Variants in ZFAT observed in about 807,000 individuals in gnomAD.
The protein encoded by ZFAT is zinc finger and AT-hook domain containing.
ZFAT carries 64 observed loss-of-function variants against 117.7 expected under a neutral mutation model. The observed-to-expected ratio is 0.54, with a 90% CI of 0.44 to 0.67. ZFAT has a LOEUF of 0.67. Among genes scored for constraint, ZFAT ranks in the 30% least tolerant of loss-of-function variants. The pLI is 0.00. For missense variants in ZFAT, 1,433 were observed against 1,584.5 expected (o/e 0.90, Z 1.62); for synonymous variants, 679 against 615.0 (o/e 1.10, Z -1.54).
chr8:134,482,852 G>A (rs1397971100), intron 15 of ZFAT, among the ~76,000 whole-genome samples: 2 of 152,236 alleles, frequency 1.3e-5, no homozygotes, highest in Non-Finnish European at 2.9e-5. Context: ...TTGCCCTGTC[G>A]TGTTACTGAG....
the ZFAT span, among the ~76,000 whole-genome samples, chr8:134,811,217 G>A: frequency 6.6e-6 from 1 of 152,284 alleles, no homozygotes; most frequent in Non-Finnish European, 1.5e-5. Context: ...GCTAGAGAAT[G>A]AAGGAATGAT....
the ZFAT span, among the ~76,000 whole-genome samples, chr8:134,826,504 T>A: frequency 6.6e-5 from 10 of 152,350 alleles, no homozygotes; most frequent in South Asian, 2.1e-3. Context: ...ACATTCACTT[T>A]AATAGTAAAA....
chr8:134,617,790 G>A (rs1177711925), intron 3 of ZFAT, among the ~76,000 whole-genome samples: 1 of 152,164 alleles, frequency 6.6e-6, no homozygotes, highest in Non-Finnish European at 1.5e-5. Context: ...GTAAACCACA[G>A]GCTTGATTCA....
At chr8:134,760,286 AAACAAAC>A in the ZFAT span, among the ~76,000 whole-genome samples, 1 of 121,778 alleles carries the variant, frequency 8.2e-6, no homozygotes, top group Non-Finnish European at 1.8e-5. Context: ...AAAAAAAAAA[AAACAAAC>A]AAAAAACAAA....
chr8:134,495,220 T>C (rs1316491375), intron 15 of ZFAT, among the ~76,000 whole-genome samples: 3 of 152,172 alleles, frequency 2.0e-5, no homozygotes, highest in Non-Finnish European at 4.4e-5. Flanking sequence ...GCTAGAAGTC[T>C]GAGATCAGGG....
chr8:134,720,910 C>A, the ZFAT span, among the ~76,000 whole-genome samples: 52 of 152,304 alleles, frequency 3.4e-4, no homozygotes, highest in African/African-American at 1.3e-3. Flanking sequence ...TTTCACATAG[C>A]CTTCACACCA....
the ZFAT span, among the ~76,000 whole-genome samples, chr8:134,746,159 CA>C: frequency 1.9e-3 from 290 of 152,304 alleles, no homozygotes; most frequent in Non-Finnish European, 3.1e-3. Flanking sequence ...ACCAACCAAT[CA>C]ATGAAAAGAA....
chr8:134,509,504 A>C, intron 15 of ZFAT, 115 bp downstream of exon 15: 1 of 1,475,502 alleles, frequency 6.8e-7, no homozygotes, highest in South Asian at 1.2e-5. Flanking sequence ...AGACTAGACC[A>C]ATTTCATTCC....
At chr8:134,666,200 T>A (rs1022211898) in intron 1 of ZFAT, among the ~76,000 whole-genome samples, 1 of 152,082 alleles carries the variant, frequency 6.6e-6, no homozygotes, top group Non-Finnish European at 1.5e-5. Context: ...CCCACCCCCA[T>A]CCACCAGTAA....
At chr8:134,826,724 T>A in the ZFAT span, among the ~76,000 whole-genome samples, 1 of 152,238 alleles carries the variant, frequency 6.6e-6, no homozygotes, top group East Asian at 1.9e-4. Flanking sequence ...AAAATGTTCA[T>A]AAACTTAAGA....
At chr8:134,651,345 G>T (rs1831228100) in intron 2 of ZFAT, among the ~76,000 whole-genome samples, 1 of 152,278 alleles carries the variant, frequency 6.6e-6, no homozygotes, top group South Asian at 2.1e-4. Flanking sequence ...ATATCACTCA[G>T]CCATAAAAAA....
chr8:134,788,735 T>C, the ZFAT span, among the ~76,000 whole-genome samples: 1 of 152,176 alleles, frequency 6.6e-6, no homozygotes, highest in Non-Finnish European at 1.5e-5. Flanking sequence ...TCGTGCTTTA[T>C]GTATTTCAAA....
rs774212561 is a variant in ZFAT, at chr8:134,601,580, G to T, written c.2139C>A (p.Thr713=). ...AACTGTTCAGGACCTTCATGAAAGC[G>T]GTGATGCCTGACCGGTGCTCAGGGG... ...KAAPEHRSGI[T]AFMKVLNSLQ... Residue 713 remains threonine (T), a synonymous_variant, in exon 6 of 16, where the codon ACC becomes ACA. Transcript: ENST00000377838. 6.2e-7 allele frequency: 1 copy of T among 1,614,096 alleles called. No homozygotes were observed. Among genetic ancestry groups the T allele is most frequent in the Non-Finnish European group, 8.5e-7 (1 of 1,180,054 alleles).
At chr8:134,603,442 T>C (rs1202790552) in intron 5 of ZFAT, among the ~76,000 whole-genome samples, 2 of 152,244 alleles carry the variant, frequency 1.3e-5, no homozygotes, top group African/African-American at 4.8e-5. Flanking sequence ...GAATTCAGTC[T>C]GCTGCATAAG....
rs555797778 is a variant in ZFAT at position 134,637,627 on chromosome 8, G to T, written c.282C>A (p.Ile94=). 7 of 1,614,174 alleles carry T rather than the reference G, an allele frequency of 4.3e-6. No individual in the cohort carries two copies. The highest frequency in any genetic ancestry group is 5.9e-6 in the Non-Finnish European group (7 of 1,180,034). The change falls in exon 3 of 16, where the codon ATC becomes ATA. Residue 94 remains isoleucine (I), a synonymous_variant. Transcript: ENST00000377838. ...GCGGGCTGTCCTCAGTCGGACTCAC[G>T]ATGTTTTCTGCCAGCTCCTCTTCTG... ...SSTEEELAEN[I]VSPTEDSPLA...
the ZFAT span, among the ~76,000 whole-genome samples, chr8:134,741,476 G>A: frequency 1.5e-4 from 23 of 152,078 alleles, no homozygotes; most frequent in Non-Finnish European, 2.2e-4. Context: ...TGACATCACC[G>A]TTTTCACATT....
chr8:134,603,605 T>G (rs1377871568), intron 5 of ZFAT, among the ~76,000 whole-genome samples: 1 of 152,196 alleles, frequency 6.6e-6, no homozygotes, highest in Admixed American at 6.5e-5. Flanking sequence ...CATCCTTACT[T>G]CTTCCCAAGA....
intron 1 of ZFAT, among the ~76,000 whole-genome samples, chr8:134,700,325 C>A (rs975432443): frequency 6.6e-6 from 1 of 152,182 alleles, no homozygotes; most frequent in Non-Finnish European, 1.5e-5. Flanking sequence ...AGGTGGGGGA[C>A]CCCACAAACA....
the ZFAT span, among the ~76,000 whole-genome samples, chr8:134,719,143 C>T: frequency 6.6e-6 from 1 of 152,216 alleles, no homozygotes; most frequent in African/African-American, 2.4e-5. Context: ...GGGAGACTGA[C>T]TTCACTGAAC....
Sources: gnomAD v4.1 joint callset for allele counts (sites outside exome capture counted in the v4.1 genomes callset) on GRCh38, gnomAD v4.1.1 for gene constraint, MANE v1.5 for transcripts, NCBI Gene and HGNC (gene_info 2026-07-23, HGNC 2026-07-21) for gene names.